Variants in PIK3C3 observed in about 807,000 individuals in gnomAD.
PIK3C3 encodes the protein PI3-kinase type 3.
PIK3C3 carries 95 observed loss-of-function variants against 126.1 expected under a neutral mutation model. That is an observed-to-expected ratio of 0.75 (90% CI 0.64 to 0.89). The LOEUF (loss-of-function observed/expected upper bound fraction) is 0.89. Ranked by LOEUF, PIK3C3 falls within the 40% of genes least tolerant of loss-of-function variation. The pLI, the probability that PIK3C3 is intolerant of heterozygous loss-of-function variation, is 0.00. For synonymous variants in PIK3C3, 374 were observed against 360.0 expected (o/e 1.04, Z -0.44); for missense variants, 829 against 1,063.2 (o/e 0.78, Z 3.06).
intron 22 of PIK3C3, among the ~76,000 whole-genome samples, chr18:42,058,847 A>G (rs759722189): frequency 1.2e-4 from 18 of 152,216 alleles, no homozygotes; most frequent in Non-Finnish European, 2.6e-4. Context: ...CAGCCCAACT[A>G]TGCAAAATGA....
chr18:42,016,349 A>G (rs1983073723), intron 12 of PIK3C3, among the ~76,000 whole-genome samples: 1 of 152,212 alleles, frequency 6.6e-6, no homozygotes, highest in South Asian at 2.1e-4. Context: ...GAATCCTTAG[A>G]TAAGCCCTTT....
intron 23 of PIK3C3, among the ~76,000 whole-genome samples, chr18:42,066,890 T>G (rs1985564273): frequency 6.6e-6 from 1 of 152,064 alleles, no homozygotes; most frequent in African/African-American, 2.4e-5. Flanking sequence ...AAGATCACAT[T>G]TAGTTTGTCA....
chr18:42,040,156 C>CTTTTTTTTTTTTTT (rs55821466), intron 18 of PIK3C3, among the ~76,000 whole-genome samples: 9 of 110,530 alleles, frequency 8.1e-5, no homozygotes, highest in African/African-American at 3.1e-4. Context: ...GTCCCCTTTC[C>CTTTTTTTTTTTTTT]TTTTTTTTTT....
chr18:42,026,089 T>A (rs954421410), intron 13 of PIK3C3: 4 of 152,346 alleles, frequency 2.6e-5, no homozygotes, highest in Non-Finnish European at 4.4e-5. Context: ...GTTTCACATG[T>A]GTTTTAAAGA....
chr18:42,005,737 T>TAGCCAGAAAAAA (rs1982513124), intron 10 of PIK3C3, among the ~76,000 whole-genome samples: 1 of 151,584 alleles, frequency 6.6e-6, no homozygotes, highest in Admixed American at 6.6e-5. Context: ...GTATCTGAAT[T>TAGCCAGAAAAAA]TCAAGAAGCA....
At chr18:42,069,748 A>G (rs1359427770) in intron 24 of PIK3C3, among the ~76,000 whole-genome samples, 1 of 152,168 alleles carries the variant, frequency 6.6e-6, no homozygotes, top group African/African-American at 2.4e-5. Flanking sequence ...CCATACTTGT[A>G]GATTCTGGTT....
In PIK3C3 at chr18:42,083,154, A is replaced by G. The variant is rs982979753; in HGVS notation, c.*2017A>G. 2.2e-4 allele frequency: 33 copies of G among 152,332 alleles called. No homozygotes were observed. Among genetic ancestry groups the G allele is most frequent in the African/African-American group, 7.7e-4 (32 of 41,566 alleles). 9.4% of individuals were successfully genotyped at this position (152,332 alleles called of 1,614,324 possible). A position where few individuals can be genotyped will look rare whatever the true frequency, so the allele number is the denominator to read the frequency against. ...CCTATATCAAAAAGAAAAGTGGCTT[A>G]TCAATCTCAGTTTTTATTGCTCAAA... is the stretch of plus-strand genomic sequence containing the variant. On this transcript the variant is annotated 3_prime_UTR_variant, in exon 25 of 25. Coordinates refer to ENST00000262039, the MANE Select transcript of PIK3C3 (RefSeq NM_002647.4).
Position 41,957,551 on chromosome 18 carries a change from G to T in PIK3C3, c.69-19G>T. 6.3e-7 allele frequency: 1 copy of T among 1,599,984 alleles called. No individual in the cohort carries two copies. Reference sequence around the variant, plus strand: ...TTAAAAAATTCATGTCTGAAACATTGTTGGTCTTGTGCTTTCAGAGGAAGC... The same window carrying T: ...TTAAAAAATTCATGTCTGAAACATTTTTGGTCTTGTGCTTTCAGAGGAAGC... On this transcript the variant is annotated intron_variant, in intron 1 of 24. Coordinates refer to ENST00000262039, the MANE Select transcript of PIK3C3 (RefSeq NM_002647.4).
intron 22 of PIK3C3, among the ~76,000 whole-genome samples, chr18:42,059,608 A>G (rs1387080921): frequency 6.6e-6 from 1 of 152,192 alleles, no homozygotes; most frequent in East Asian, 1.9e-4. Context: ...ATAAGAAAAC[A>G]GGCAGGTTAT....
At chr18:42,056,627 A>G (rs1222780878) in intron 21 of PIK3C3, among the ~76,000 whole-genome samples, 1 of 152,172 alleles carries the variant, frequency 6.6e-6, no homozygotes, top group Non-Finnish European at 1.5e-5. Context: ...GGGCAGAATC[A>G]TGTGTATCCA....
At chr18:41,969,195 C>T (rs1379631490) in intron 3 of PIK3C3, among the ~76,000 whole-genome samples, 1 of 151,968 alleles carries the variant, frequency 6.6e-6, no homozygotes, top group Non-Finnish European at 1.5e-5. Flanking sequence ...CATCTACACA[C>T]ACTTCTAGTT....
Position 42,081,364 on chromosome 18 carries a change from A to C in PIK3C3, c.*227A>C, listed in dbSNP as rs1838943191. On this transcript the variant is annotated 3_prime_UTR_variant, in exon 25 of 25. Transcript: ENST00000262039. The stretch of plus-strand genomic sequence containing the variant: ...TTGAAATATTGTATATATTTTTTCA[A>C]ATGTATACATTGTTAATAAATTAAG... The C allele has an allele frequency of 2.5e-6, 1 of 406,302 alleles. No homozygotes were observed. Among genetic ancestry groups the C allele is most frequent in the Admixed American group, 4.3e-5 (1 of 23,324 alleles). The allele number at this position is 406,302 out of a possible 1,614,324, so 25.2% of individuals were successfully genotyped here.
In PIK3C3 at chr18:41,970,422, C is replaced by T. The variant is rs1358663028; in HGVS notation, c.497C>T (p.Thr166Ile). Residue 166 changes from threonine (T) to isoleucine (I), a missense_variant, in exon 4 of 25, where the codon ACT (threonine) becomes ATT (isoleucine). Physicochemically the swap from Thr to Ile is moderately conservative, Grantham distance 89 (BLOSUM62 -1). Around this residue, in one of 4 missense-constraint regions of PIK3C3, gnomAD observed 313 missense variants for 340.7 expected, o/e 0.92. Coordinates refer to ENST00000262039, the MANE Select transcript of PIK3C3 (RefSeq NM_002647.4). ...PTKTPGRTSS[T>I]LSEDQMSRLA... ...AAAACTCCTGGCAGAACAAGTAGCA[C>T]TCTCTCAGAAGATCAGATGAGCCGT... is the stretch of plus-strand genomic sequence containing the variant. 6.2e-7 allele frequency: 1 copy of T among 1,613,864 alleles called. No homozygotes were observed. The highest frequency in any genetic ancestry group is 1.1e-5 in the South Asian group (1 of 91,076).
At chr18:42,002,624 G>A (rs940885986) in intron 9 of PIK3C3, among the ~76,000 whole-genome samples, 2 of 152,110 alleles carry the variant, frequency 1.3e-5, no homozygotes, top group African/African-American at 2.4e-5. Flanking sequence ...GGCTATTTTG[G>A]AAATTAGTTC....
chr18:42,023,047 T>G (rs1017806801), intron 13 of PIK3C3, among the ~76,000 whole-genome samples: 1 of 152,216 alleles, frequency 6.6e-6, no homozygotes, highest in African/African-American at 2.4e-5. Flanking sequence ...ATTTCAAAGC[T>G]TCTTAGGTAT....
At chr18:42,033,393 C>CA (rs1345822174) in intron 15 of PIK3C3, among the ~76,000 whole-genome samples, 1 of 152,080 alleles carries the variant, frequency 6.6e-6, no homozygotes, top group East Asian at 1.9e-4. Context: ...TTTTTAAACT[C>CA]AAAAAATGCA....
intron 24 of PIK3C3, among the ~76,000 whole-genome samples, chr18:42,074,256 G>A (rs914178821): frequency 6.6e-6 from 1 of 152,142 alleles, no homozygotes; most frequent in Non-Finnish European, 1.5e-5. Context: ...AGCAAAGCTA[G>A]TTCTGTTTTA....
chr18:42,079,883 C>T lies in PIK3C3; in HGVS notation c.2650-1240C>T, dbSNP rs566393366. ...AGCTCTGTTGATTCACCGCCGCTAC[C>T]TCCAGGCAACACACCTCTTCTCTTT... On this transcript the variant is annotated intron_variant, in intron 24 of 24. Transcript: ENST00000262039. Among the ~76,000 whole-genome samples, 3 of 152,174 alleles carry T rather than the reference C, an allele frequency of 2.0e-5. No homozygotes were observed. The East Asian group carries it at 5.8e-4, about 29-fold the overall frequency.
intron 24 of PIK3C3, among the ~76,000 whole-genome samples, chr18:42,071,315 A>T (rs1349966510): frequency 6.6e-6 from 1 of 152,204 alleles, no homozygotes; most frequent in Non-Finnish European, 1.5e-5. Flanking sequence ...ATTTATTGGA[A>T]TGTATTTCAT....
Sources: allele counts gnomAD v4.1 joint callset (sites outside exome capture counted in the v4.1 genomes callset), GRCh38; gene constraint gnomAD v4.1.1; regional missense constraint gnomAD v4.1.1; transcripts MANE v1.5; gene names NCBI Gene and HGNC (gene_info 2026-07-23, HGNC 2026-07-21).